IQUB: variants seen among roughly 807,000 people sequenced by gnomAD.
IQUB encodes the protein IQ motif and ubiquitin domain containing.
In IQUB, 86 loss-of-function variants were observed where a neutral mutation model predicts 86.4. The ratio of observed to expected loss-of-function variants is 1.00; its 90% CI spans 0.84 to 1.19. The LOEUF (loss-of-function observed/expected upper bound fraction) is 1.19, where lower values mean the gene tolerates loss of function less well. Among genes scored for constraint, IQUB ranks in the 50% most tolerant of loss-of-function variants. The probability of loss-of-function intolerance (pLI) is 0.00; values close to 1 mark genes in which losing one functional copy is unlikely to be tolerated. For missense variants in IQUB, 946 were observed against 916.9 expected (o/e 1.03, Z -0.41); for synonymous variants, 289 against 304.5 (o/e 0.95, Z 0.53).
Position 123,527,444 on chromosome 7 carries a change from T to C in IQUB, c.-5+7048A>G, listed in dbSNP as rs1319537948. On this transcript the variant is annotated intron_variant, in intron 1 of 12. Coordinates refer to ENST00000324698, the MANE Select transcript of IQUB (RefSeq NM_178827.5). ...CTCTGTTTTTTCCCCATCTTTGTGG[T>C]TTTATCTACTTTTGGTCTTTGATGA... 1.4e-4 allele frequency among the ~76,000 whole-genome samples: 22 copies of C among 152,256 alleles called. 1 individual carries two copies. The South Asian group carries it at 3.9e-3, about 27-fold the overall frequency.
intron 7 of IQUB, among the ~76,000 whole-genome samples, chr7:123,494,416 A>C (rs1795623585): frequency 6.6e-6 from 1 of 152,166 alleles, no homozygotes; most frequent in South Asian, 2.1e-4. Flanking sequence ...GGAGTTATGA[A>C]TATGAAATGA....
intron 8 of IQUB, among the ~76,000 whole-genome samples, chr7:123,472,639 G>A (rs1331835504): frequency 6.6e-6 from 1 of 152,168 alleles, no homozygotes; most frequent in East Asian, 1.9e-4. Flanking sequence ...AAGAATCCTA[G>A]ATTTGAAGTT....
chr7:123,455,663 C>T (rs772771089), intron 12 of IQUB, among the ~76,000 whole-genome samples: 2 of 152,104 alleles, frequency 1.3e-5, no homozygotes, highest in Non-Finnish European at 2.9e-5. Flanking sequence ...TCTCCCAGCT[C>T]ATGAATGGTA....
At chr7:123,528,884 G>C (rs937587897) in intron 1 of IQUB, among the ~76,000 whole-genome samples, 2 of 152,048 alleles carry the variant, frequency 1.3e-5, no homozygotes, top group African/African-American at 4.8e-5. Flanking sequence ...CCCCTCATAT[G>C]TACATATTAA....
intron 1 of IQUB, among the ~76,000 whole-genome samples, chr7:123,517,314 G>A (rs567725100): frequency 1.1e-3 from 160 of 151,804 alleles, no homozygotes; most frequent in Non-Finnish European, 2.0e-3. Context: ...GGTGGATCAC[G>A]AGGTCAGGAG....
intron 1 of IQUB, among the ~76,000 whole-genome samples, chr7:123,515,717 G>A (rs999256638): frequency 2.6e-5 from 4 of 152,122 alleles, no homozygotes; most frequent in African/African-American, 9.7e-5. Context: ...ATACCTATTA[G>A]AATAATTAAA....
intron 1 of IQUB, among the ~76,000 whole-genome samples, chr7:123,526,216 G>A (rs1797200303): frequency 6.6e-6 from 1 of 152,122 alleles, no homozygotes; most frequent in South Asian, 2.1e-4. Context: ...TGTCTATTAA[G>A]TCCACTTGGT....
In IQUB at chr7:123,512,087, G is replaced by T. The variant is rs376184545; in HGVS notation, c.254C>A (p.Pro85Gln). ...NEQLMEEVIS[P>Q]RQVSYTPQHH... Reference sequence around the variant, plus strand: ...TTGCGGAGTATATGAAACTTGTCTTGGTGATATAACCTCTTCCATGAGTTG... The same window carrying T: ...TTGCGGAGTATATGAAACTTGTCTTTGTGATATAACCTCTTCCATGAGTTG... Residue 85 changes from proline to glutamine, a missense_variant, in exon 2 of 13, where the codon CCA becomes CAA. Pro to Gln is a moderately conservative substitution (Grantham distance 76). Transcript: ENST00000324698. 22 of 1,613,842 alleles carry T rather than the reference G, an allele frequency of 1.4e-5. No homozygotes were observed. The highest frequency in any genetic ancestry group is 1.8e-5 in the Non-Finnish European group (21 of 1,179,958).
At chr7:123,483,469 A>G (rs1453257481) in intron 7 of IQUB, among the ~76,000 whole-genome samples, 2 of 152,058 alleles carry the variant, frequency 1.3e-5, no homozygotes, top group Non-Finnish European at 2.9e-5. Context: ...TAAGAAGCGT[A>G]TTTCTCTGAT....
At chr7:123,483,466 C>T (rs930280593) in intron 7 of IQUB, among the ~76,000 whole-genome samples, 5 of 151,998 alleles carry the variant, frequency 3.3e-5, no homozygotes, top group Admixed American at 6.6e-5. Flanking sequence ...TTCTAAGAAG[C>T]GTATTTCTCT....
chr7:123,457,606 ATTTG>A, intron 11 of IQUB, 40 bp from the exon 12 acceptor site: 1 of 1,458,600 alleles, frequency 6.9e-7, no homozygotes, highest in East Asian at 2.3e-5. Flanking sequence ...TGTAGTTTAA[ATTTG>A]TTTAAGATTA....
chr7:123,518,037 A>C (rs1189070855), intron 1 of IQUB, among the ~76,000 whole-genome samples: 1 of 152,258 alleles, frequency 6.6e-6, no homozygotes, highest in Non-Finnish European at 1.5e-5. Context: ...AATAGGCCTA[A>C]GATAATAAAT....
intron 1 of IQUB, among the ~76,000 whole-genome samples, chr7:123,514,699 A>C (rs1370491496): frequency 1.3e-5 from 2 of 152,164 alleles, no homozygotes; most frequent in Non-Finnish European, 2.9e-5. Context: ...CATCACCCTA[A>C]TAGTATACAC....
At position 123,511,960 on chromosome 7, in the gene IQUB, T is replaced by C. The variant is rs756734113; in HGVS notation, c.381A>G (p.Glu127=). ...SVKESLQESV[E]DSLATVKVVL... Reference sequence around the variant, plus strand: ...AGGTAGTACCTGTTGCTAGAGAATCTTCCACTGATTCTTGCAAAGATTCCT... The same window carrying C: ...AGGTAGTACCTGTTGCTAGAGAATCCTCCACTGATTCTTGCAAAGATTCCT... Residue 127 remains glutamate, a synonymous_variant, in exon 2 of 13, where the codon GAA becomes GAG. Coordinates refer to ENST00000324698, the MANE Select transcript of IQUB (RefSeq NM_178827.5). The C allele has an allele frequency of 3.6e-5, 58 of 1,602,964 alleles. No homozygotes were observed. The highest frequency in any genetic ancestry group is 4.9e-5 in the Non-Finnish European group (57 of 1,171,656).
rs570364945 is a variant in IQUB, at chr7:123,469,134, C to T, written c.1581+80G>A. The T allele has an allele frequency of 1.7e-5, 17 of 985,016 alleles. 1 individual carries two copies. The East Asian group carries it at 4.7e-4, about 27-fold the overall frequency. 61.0% of individuals were successfully genotyped at this position (985,016 alleles called of 1,614,324 possible). A position where few individuals can be genotyped will look rare whatever the true frequency, so the allele number is the denominator to read the frequency against. On this transcript the variant is annotated intron_variant, in intron 9 of 12. Transcript: ENST00000324698. ...CCAAAACAATTCTTAATGTAAAACACTTTACTTGTTTTAGTATTTCATTAA... is the reference window on the plus strand; with the variant it reads ...CCAAAACAATTCTTAATGTAAAACATTTTACTTGTTTTAGTATTTCATTAA...
intron 8 of IQUB, among the ~76,000 whole-genome samples, chr7:123,470,148 G>A (rs1211247891): frequency 6.6e-6 from 1 of 152,142 alleles, no homozygotes; most frequent in Non-Finnish European, 1.5e-5. Context: ...ACCGACTCAG[G>A]AAACAGGATA....
chr7:123,496,962 C>T, intron 6 of IQUB, 56 bp from the exon 7 acceptor site: 2 of 1,024,566 alleles, frequency 2.0e-6, no homozygotes, highest in Non-Finnish European at 2.8e-6. Flanking sequence ...TTTGATCAGA[C>T]AATAAAGGCA....
Position 123,469,627 on chromosome 7 carries a change from T to A in IQUB, c.1411-243A>T, listed in dbSNP as rs1794436703. Among the ~76,000 whole-genome samples, 3 of 152,272 alleles carry A rather than the reference T, an allele frequency of 2.0e-5. No homozygotes were observed. In the South Asian group the frequency reaches 6.2e-4, roughly 32 times the overall value. On this transcript the variant is annotated intron_variant, in intron 8 of 12. Coordinates refer to ENST00000324698, the MANE Select transcript of IQUB (RefSeq NM_178827.5). ...TCATACACTTCTACAATATTCAGGA[T>A]TTGCTACTAGTTTTTTATGTTGAAT...
intron 7 of IQUB, among the ~76,000 whole-genome samples, chr7:123,492,801 G>A (rs1204391512): frequency 1.3e-5 from 2 of 152,044 alleles, no homozygotes; most frequent in Non-Finnish European, 2.9e-5. Flanking sequence ...GAGCTGAACC[G>A]CAACTCCCCT....
Sources: gnomAD v4.1 joint callset for allele counts (sites outside exome capture counted in the v4.1 genomes callset) on GRCh38, gnomAD v4.1.1 for gene constraint, MANE v1.5 for transcripts, NCBI Gene and HGNC (gene_info 2026-07-23, HGNC 2026-07-21) for gene names.